Variants in REV3L observed in about 807,000 individuals in gnomAD.
The protein encoded by REV3L is DNA polymerase zeta catalytic subunit.
Under a neutral mutation model 299.4 loss-of-function variants are expected in REV3L, and 69 were observed. That is an observed-to-expected ratio of 0.23 (90% CI 0.19 to 0.28). The LOEUF (loss-of-function observed/expected upper bound fraction) is 0.28, where lower values mean the gene tolerates loss of function less well. Ranked by LOEUF, REV3L falls within the 10% of genes least tolerant of loss-of-function variation. REV3L has a pLI of 1.00. For synonymous variants in REV3L, 1,238 were observed against 1,271.4 expected (o/e 0.97, Z 0.56); for missense variants, 3,128 against 3,693.8 (o/e 0.85, Z 3.97).
chr6:111,389,823 G>C (rs7754837), intron 6 of REV3L, among the ~76,000 whole-genome samples: 17 of 128,696 alleles, frequency 1.3e-4, no homozygotes, highest in African/African-American at 4.1e-4. Context: ...TGCAACCTCC[G>C]CCACCCAGGC....
intron 1 of REV3L, among the ~76,000 whole-genome samples, chr6:111,447,321 G>C (rs1184124072): frequency 6.6e-6 from 1 of 152,114 alleles, no homozygotes; most frequent in Non-Finnish European, 1.5e-5. Flanking sequence ...TCAAATGCTT[G>C]CTATTAGAAA....
At position 111,316,261 on chromosome 6, in the gene REV3L, C is replaced by T. The variant is rs560679615; in HGVS notation, c.8352-880G>A. Among the ~76,000 whole-genome samples, 8 of 150,414 alleles carry T rather than the reference C, an allele frequency of 5.3e-5. No individual in the cohort carries two copies. The East Asian group carries it at 1.6e-3, about 29-fold the overall frequency. ...AAAAAGGTTGGGGACCACTGTGGTA[C>T]ACAGTTAAGTACATCACAAAATAAG... On this transcript the variant is annotated intron_variant, in intron 26 of 31. Transcript: ENST00000368802.
At position 111,375,000 on chromosome 6, in the gene REV3L, T is replaced by A. The variant is rs144404854; in HGVS notation, c.3355A>T (p.Ser1119Cys). The stretch of plus-strand genomic sequence containing the variant: ...CGAGGTGGAGAAGAATTTATGGGAC[T>A]TGTGCTTCTCTCAGAAAGAAAACCT... ...KLGFLSERST[S>C]PINSSPPRCW... Residue 1119 changes from serine to cysteine, a missense_variant, in exon 13 of 32, where the codon AGT (serine) becomes TGT (cysteine). Physicochemically the swap from Ser to Cys is moderately radical, Grantham distance 112. Around this residue, in one of 9 missense-constraint regions of REV3L, gnomAD observed 2,409 missense variants for 2,611.8 expected, o/e 0.92. Transcript: ENST00000368802. 6.2e-7 allele frequency: 1 copy of A among 1,613,280 alleles called. No homozygotes were observed. The highest frequency in any genetic ancestry group is 8.5e-7 in the Non-Finnish European group (1 of 1,179,718).
At chr6:111,482,137 A>T (rs529571946) in intron 1 of REV3L, among the ~76,000 whole-genome samples, 60 of 152,284 alleles carry the variant, frequency 3.9e-4, no homozygotes, top group African/African-American at 1.4e-3. Flanking sequence ...CTAAACTCTA[A>T]GGAGTCACGA....
chr6:111,360,468 A>ATTTTTTTTTT (rs1362929978), intron 16 of REV3L, among the ~76,000 whole-genome samples: 1 of 133,452 alleles, frequency 7.5e-6, no homozygotes. Flanking sequence ...TTGTTAAATA[A>ATTTTTTTTTT]TCTTTTTTTT....
Position 111,379,962 on chromosome 6 carries a change from T to C in REV3L, c.1454+20A>G. On this transcript the variant is annotated intron_variant, in intron 11 of 31. Transcript: ENST00000368802. ...TAATGATAAAAGTTAATAAAACAAC[T>C]GCAATAACTAAAAAATTACCTCTTT... 1 of 1,412,868 alleles carries C rather than the reference T, an allele frequency of 7.1e-7. No individual in the cohort carries two copies. The highest frequency in any genetic ancestry group is 1.4e-5 in the African/African-American group (1 of 70,398). 87.5% of individuals were successfully genotyped at this position (1,412,868 alleles called of 1,614,324 possible). A position where few individuals can be genotyped will look rare whatever the true frequency, so the allele number is the denominator to read the frequency against.
At position 111,367,397 on chromosome 6, in the gene REV3L, G is replaced by T. The variant is rs369589167; in HGVS notation, c.6391C>A (p.Pro2131Thr). ...DSPVIPPWQQ[P>T]ISPDSKALNG... ...AATGCTTTGGAATCTGGGGATATTG[G>T]TTGTTGCCAAGGGGGAATTACTGGA... The change falls in exon 14 of 32, where the codon CCA becomes ACA. Residue 2131 changes from proline (P) to threonine (T), a missense_variant. Transcript: ENST00000368802. The T allele has an allele frequency of 1.5e-4, 239 of 1,611,094 alleles. 5 individuals carry two copies. In the South Asian group the frequency reaches 2.5e-3, roughly 17 times the overall value.
At chr6:111,478,815 T>C (rs751829831) in intron 1 of REV3L, among the ~76,000 whole-genome samples, 17 of 152,146 alleles carry the variant, frequency 1.1e-4, no homozygotes, top group Non-Finnish European at 2.9e-5. Flanking sequence ...TCTACCAAAA[T>C]ATTCACTAAG....
rs1791326759 is a variant in REV3L at position 111,465,367 on chromosome 6, C to A, written c.139+17383G>T. 2.0e-5 allele frequency among the ~76,000 whole-genome samples: 3 copies of A among 151,564 alleles called. No homozygotes were observed. In the South Asian group the frequency reaches 6.3e-4, roughly 32 times the overall value. ...AAGTGCTGTGATTACAGGCATGAGC[C>A]ACAGCACCCAGCCAAGTTATTGTAA... On this transcript the variant is annotated intron_variant, in intron 1 of 31. Coordinates refer to ENST00000368802, the MANE Select transcript of REV3L (RefSeq NM_001372078.1).
chr6:111,397,845 T>G (rs1189951749), intron 4 of REV3L, among the ~76,000 whole-genome samples: 1 of 151,952 alleles, frequency 6.6e-6, no homozygotes, highest in Non-Finnish European at 1.5e-5. Context: ...CTATGTTACC[T>G]GAGCTAGTCT....
Position 111,374,428 on chromosome 6 carries a change from C to A in REV3L, c.3927G>T (p.Gln1309His), listed in dbSNP as rs3218595. 6,174 of 1,613,898 alleles carry A rather than the reference C, an allele frequency of 3.8e-3. 186 individuals carry two copies. The African/African-American group carries it at 0.07, about 18-fold the overall frequency. ...FLESKKSVDL[Q>H]TFPSSRDDLH... ...AATCATCTCGTGAACTGGGGAATGT[C>A]TGCAAATCTACAGACTTCTTGCTTT... The change falls in exon 13 of 32, where the codon CAG becomes CAT. Residue 1309 changes from glutamine to histidine, a missense_variant. Physicochemically the swap from Gln to His is conservative, Grantham distance 24. Around this residue, in one of 9 missense-constraint regions of REV3L, gnomAD observed 2,409 missense variants for 2,611.8 expected, o/e 0.92. Coordinates refer to ENST00000368802, the MANE Select transcript of REV3L (RefSeq NM_001372078.1).
At chr6:111,393,663 T>A (rs968536184) in intron 4 of REV3L, among the ~76,000 whole-genome samples, 1 of 152,164 alleles carries the variant, frequency 6.6e-6, no homozygotes, top group Non-Finnish European at 1.5e-5. Flanking sequence ...ACCCTTCCCA[T>A]ACACCCTTCC....
At chr6:111,390,364 T>C (rs113748241) in intron 5 of REV3L, among the ~76,000 whole-genome samples, 184 bp from the exon 6 acceptor site, 8 of 152,078 alleles carry the variant, frequency 5.3e-5, no homozygotes, top group African/African-American at 1.9e-4. Context: ...ATGAGAAAAA[T>C]ACAAAACATA....
intron 31 of REV3L, among the ~76,000 whole-genome samples, chr6:111,302,458 C>G (rs576210908): frequency 6.6e-6 from 1 of 152,128 alleles, no homozygotes; most frequent in Non-Finnish European, 1.5e-5. Flanking sequence ...TGGTTTAAAC[C>G]CTGAGCATTA....
Position 111,379,990 on chromosome 6 carries a change from G to C in REV3L, c.1446C>G (p.Ala482=). The change falls in exon 11 of 32, where the codon GCC becomes GCG. Residue 482 remains alanine (A), a synonymous_variant. Coordinates refer to ENST00000368802, the MANE Select transcript of REV3L (RefSeq NM_001372078.1). The stretch of plus-strand genomic sequence containing the variant: ...AATAACTAAAAAATTACCTCTTTTT[G>C]GCACAATGTTCTTCAATATTGCTGT... ...RWDSNIEEHC[A]KKRSLCRNTH... is the part of the protein sequence containing the mutation. The C allele has an allele frequency of 1.9e-6, 3 of 1,599,032 alleles. No homozygotes were observed. Among genetic ancestry groups the C allele is most frequent in the Non-Finnish European group, 2.6e-6 (3 of 1,170,922 alleles).
At chr6:111,311,044 G>C in intron 29 of REV3L, 25 bp downstream of exon 29, 2 of 1,578,906 alleles carry the variant, frequency 1.3e-6, no homozygotes, top group Non-Finnish European at 1.7e-6. Context: ...GGACTATCCT[G>C]GCAAGGTACT....
chr6:111,464,768 T>C (rs1216279509), intron 1 of REV3L, among the ~76,000 whole-genome samples: 4 of 152,228 alleles, frequency 2.6e-5, no homozygotes, highest in Non-Finnish European at 5.9e-5. Flanking sequence ...TTGGGAGGCC[T>C]AGACAGGTGG....
intron 5 of REV3L, among the ~76,000 whole-genome samples, chr6:111,391,096 C>T (rs1177339942): frequency 2.0e-5 from 3 of 147,764 alleles, no homozygotes; most frequent in East Asian, 3.9e-4. Flanking sequence ...GATGGAGTCT[C>T]GCTCCATCGC....
intron 28 of REV3L, 161 bp downstream of exon 28, chr6:111,313,191 C>T (rs1364244412): frequency 1.7e-6 from 1 of 581,352 alleles, no homozygotes. Flanking sequence ...TAAGACACTA[C>T]AAATAAAATT....
Sources: gnomAD v4.1 joint callset for allele counts (sites outside exome capture counted in the v4.1 genomes callset) on GRCh38, gnomAD v4.1.1 for gene constraint, gnomAD v4.1.1 regional missense constraint, MANE v1.5 for transcripts, NCBI Gene and HGNC (gene_info 2026-07-23, HGNC 2026-07-21) for gene names.